Variants in TRPV6 observed in about 807,000 individuals in gnomAD.
TRPV6 encodes the protein transient receptor potential cation channel subfamily V member 6, also known as Alu-binding protein with zinc finger domain.
A neutral mutation model predicts 79.0 loss-of-function variants in TRPV6; 39 were observed. That is an observed-to-expected ratio of 0.49 (90% CI 0.38 to 0.64). The LOEUF is 0.64. Ranked by LOEUF, TRPV6 falls within the 30% of genes least tolerant of loss-of-function variation. The pLI is 0.00. For missense variants in TRPV6, 813 were observed against 1,011.1 expected, an observed-to-expected ratio of 0.80 and a Z score of 2.66; for synonymous variants, 373 against 391.9, an observed-to-expected ratio of 0.95 and a Z score of 0.57.
At position 142,875,533 on chromosome 7, in the gene TRPV6, T is replaced by C. The variant is rs757418339; in HGVS notation, c.1177A>G (p.Lys393Glu). 7 of 1,611,852 alleles carry C rather than the reference T, an allele frequency of 4.3e-6. No homozygotes were observed. In the Admixed American group the frequency reaches 1.2e-4, roughly 27 times the overall value. Residue 393 changes from lysine (K) to glutamate (E), a missense_variant, in exon 8 of 15, where the codon AAG (lysine) becomes GAG (glutamate). Physicochemically the swap from Lys to Glu is moderately conservative, Grantham distance 56 (BLOSUM62 1). Transcript: ENST00000359396. ...CTCGTGCGGTTATTGGTCCTGGGCT[T>C]GAGGGGGCGGTAGATGCAGCACATG... is the stretch of plus-strand genomic sequence containing the variant.
At position 142,877,763 on chromosome 7, in the gene TRPV6, C is replaced by T. The variant is rs1217440925; in HGVS notation, c.357G>A (p.Gly119=). 1 of 1,614,128 alleles carries T rather than the reference C, an allele frequency of 6.2e-7. No individual in the cohort carries two copies. The highest frequency in any genetic ancestry group is 2.2e-5 in the East Asian group (1 of 44,872). The change falls in exon 3 of 15, where the codon GGG becomes GGA. Residue 119 remains glycine, a synonymous_variant. Transcript: ENST00000359396. ...GGGCTGCTATGTGTAGCGCTGTTTCCCCCATGGCTCCTGGCATTTACAGAG... is the reference window on the plus strand; with the variant it reads ...GGGCTGCTATGTGTAGCGCTGTTTCTCCCATGGCTCCTGGCATTTACAGAG...
chr7:142,885,581 G>C lies in TRPV6; in HGVS notation c.56C>G (p.Pro19Arg). The change falls in exon 1 of 15, where the codon CCA becomes CGA. Residue 19 changes from proline (P) to arginine (R), a missense_variant. By Grantham distance (103) the Pro-to-Arg change is moderately radical (BLOSUM62 -2). Coordinates refer to ENST00000359396, the MANE Select transcript of TRPV6 (RefSeq NM_018646.6). ...CCAGACCCTGACGGGACTCAGCCTT[G>C]GGGCCACATCAGCCCCCCCAAGGGC... 4 of 1,519,992 alleles carry C rather than the reference G, an allele frequency of 2.6e-6. No individual in the cohort carries two copies. The highest frequency in any genetic ancestry group is 3.5e-6 in the Non-Finnish European group (4 of 1,132,714). 94.2% of individuals were successfully genotyped at this position (1,519,992 alleles called of 1,614,324 possible). A position where few individuals can be genotyped will look rare whatever the true frequency, so the allele number is the denominator to read the frequency against.
At chr7:142,876,691 C>T (rs758448799) in intron 5 of TRPV6, 48 bp downstream of exon 5, 6 of 1,613,582 alleles carry the variant, frequency 3.7e-6, no homozygotes, top group South Asian at 2.2e-5. Context: ...TCACCCTGTC[C>T]CTCACTCCCT....
intron 1 of TRPV6, chr7:142,884,563 T>G (rs1159063117): frequency 6.6e-6 from 1 of 152,234 alleles, no homozygotes; most frequent in Non-Finnish European, 1.5e-5. Context: ...CCTGCTCCTC[T>G]CCTGCTCTGT....
At position 142,874,406 on chromosome 7, in the gene TRPV6, A is replaced by T. The variant is rs374735652; in HGVS notation, c.1572+85T>A. 1.4e-5 allele frequency: 22 copies of T among 1,538,276 alleles called. No homozygotes were observed. The Admixed American group carries it at 3.0e-4, about 21-fold the overall frequency. Reference sequence around the variant, plus strand: ...CCATGTGTGGCTTGCAGAACCTGCAATGTCTACTGTTCTGCCCTTTATGGG... The same window carrying T: ...CCATGTGTGGCTTGCAGAACCTGCATTGTCTACTGTTCTGCCCTTTATGGG... On this transcript the variant is annotated intron_variant, in intron 11 of 14. Transcript: ENST00000359396.
intron 13 of TRPV6, 81 bp from the exon 14 acceptor site, chr7:142,872,559 T>TTC: frequency 7.3e-7 from 1 of 1,377,772 alleles, no homozygotes; most frequent in East Asian, 2.5e-5. Context: ...TTTGTTGACC[T>TTC]TCTTCAGTGG....
chr7:142,875,684 C>A lies in TRPV6; in HGVS notation c.1030-4G>T, dbSNP rs766854611. ...TCTGGTCCAGGATCTGGCGAGCCTG[C>A]AACAGAAAGAGAACAGGTGGCTCAG... On this transcript the variant is annotated splice_region_variant and splice_polypyrimidine_tract_variant and intron_variant, in intron 7 of 14. Coordinates refer to ENST00000359396, the MANE Select transcript of TRPV6 (RefSeq NM_018646.6). 4.3e-6 allele frequency: 7 copies of A among 1,609,904 alleles called. No homozygotes were observed. Among genetic ancestry groups the A allele is most frequent in the Non-Finnish European group, 5.9e-6 (7 of 1,177,970 alleles).
chr7:142,883,725 T>C (rs1312136461), intron 1 of TRPV6: 4 of 152,206 alleles, frequency 2.6e-5, no homozygotes, highest in African/African-American at 4.8e-5. Context: ...AAACTCCCCT[T>C]GCAGGCAATT....
At position 142,877,640 on chromosome 7, in the gene TRPV6, T is replaced by C. The variant is rs775558008; in HGVS notation, c.469+11A>G. 16 of 1,613,640 alleles carry C rather than the reference T, an allele frequency of 9.9e-6. No individual in the cohort carries two copies. Among genetic ancestry groups the C allele is most frequent in the Non-Finnish European group, 1.2e-5 (14 of 1,179,820 alleles). ...ACTCCTGCTCTTCACCCCAGACCCGTGGGCCCTCACCCTCATAGAGCTCAG... is the reference window on the plus strand; with the variant it reads ...ACTCCTGCTCTTCACCCCAGACCCGCGGGCCCTCACCCTCATAGAGCTCAG... On this transcript the variant is annotated intron_variant, in intron 3 of 14. Coordinates refer to ENST00000359396, the MANE Select transcript of TRPV6 (RefSeq NM_018646.6).
intron 14 of TRPV6, 70 bp from the exon 15 acceptor site, chr7:142,872,059 G>A: frequency 6.6e-7 from 1 of 1,516,278 alleles, no homozygotes; most frequent in Non-Finnish European, 8.8e-7. Context: ...ATGCTTGTCT[G>A]TTATCCCCTG....
chr7:142,877,421 G>C, intron 3 of TRPV6, 142 bp from the exon 4 acceptor site: 1 of 1,481,022 alleles, frequency 6.8e-7, no homozygotes, highest in Non-Finnish European at 9.0e-7. Flanking sequence ...GATTCCCAGG[G>C]GATCCAGCTG....
intron 4 of TRPV6, 36 bp downstream of exon 4, chr7:142,877,106 C>G (rs899258963): frequency 1.3e-6 from 2 of 1,597,406 alleles, no homozygotes; most frequent in Non-Finnish European, 1.7e-6. Context: ...CCCACCTTTC[C>G]AACTGCCCGT....
rs770005943 is a variant in TRPV6 at position 142,874,899 on chromosome 7, C to T, written c.1406+5G>A. The T allele has an allele frequency of 2.5e-6, 4 of 1,614,128 alleles. No individual in the cohort carries two copies. Among genetic ancestry groups the T allele is most frequent in the South Asian group, 1.1e-5 (1 of 91,076 alleles). On this transcript the variant is annotated splice_donor_5th_base_variant and intron_variant, in intron 10 of 14. Transcript: ENST00000359396. Reference sequence around the variant, plus strand: ...AGGGATGGGAGTGAGAGGAAGGAAACTCACATGAGGACATGGAATGGGCCC... The same window carrying T: ...AGGGATGGGAGTGAGAGGAAGGAAATTCACATGAGGACATGGAATGGGCCC...
In TRPV6 at chr7:142,877,692, G is replaced by A. The variant is rs754442854; in HGVS notation, c.428C>T (p.Pro143Leu). 2.2e-5 allele frequency: 36 copies of A among 1,614,016 alleles called. No individual in the cohort carries two copies. Among genetic ancestry groups the A allele is most frequent in the Middle Eastern group, 1.6e-4 (1 of 6,084 alleles). Residue 143 changes from proline (P) to leucine (L), a missense_variant, in exon 3 of 15, where the codon CCG becomes CTG. By Grantham distance (98) the Pro-to-Leu change is moderately conservative. This residue lies in a region of TRPV6 where 555 missense variants were observed against 631.0 expected (regional missense o/e 0.88). Transcript: ENST00000359396. ...TGTCATGGGCTCAAAGACCAGCTCC[G>A]GGGCAGCCTCCATCAGCACCATGGC...
intron 1 of TRPV6, chr7:142,879,721 C>G (rs2116526655): frequency 6.6e-6 from 1 of 152,396 alleles, no homozygotes; most frequent in Middle Eastern, 3.4e-3. Context: ...CTCCTTGCTC[C>G]TGCTAACCCT....
intron 1 of TRPV6, chr7:142,884,990 G>A (rs1044102111): frequency 6.3e-6 from 1 of 159,192 alleles, no homozygotes; most frequent in African/African-American, 2.4e-5. Flanking sequence ...TGTATACTAT[G>A]TGTTCCTGCC....
chr7:142,873,685 G>C lies in TRPV6; in HGVS notation c.1671C>G (p.Pro557=). 6.2e-7 allele frequency: 1 copy of C among 1,614,156 alleles called. No individual in the cohort carries two copies. Among genetic ancestry groups the C allele is most frequent in the East Asian group, 2.2e-5 (1 of 44,884 alleles). Reference sequence around the variant, plus strand: ...AGTCGTAGAAGTGGCCTAGCTCCTCGGGGTCCTCTGTCTGGAAGATGATAT... The same window carrying C: ...AGTCGTAGAAGTGGCCTAGCTCCTCCGGGTCCTCTGTCTGGAAGATGATAT... Residue 557 remains proline (P), a synonymous_variant, in exon 13 of 15, where the codon CCC becomes CCG. Coordinates refer to ENST00000359396, the MANE Select transcript of TRPV6 (RefSeq NM_018646.6). This position sits in a 1 kb window ranked among gnomAD's most constrained non-coding sequence, Gnocchi z 4.8.
At chr7:142,872,178 C>T (rs548357009) in intron 14 of TRPV6, among the ~76,000 whole-genome samples, 189 bp from the exon 15 acceptor site, 1 of 152,362 alleles carries the variant, frequency 6.6e-6, no homozygotes, top group South Asian at 2.1e-4. Flanking sequence ...CAGGCTCTGC[C>T]ACAGACTCCC....
At position 142,875,692 on chromosome 7, in the gene TRPV6, A is replaced by G; in HGVS notation, c.1030-12T>C. 6.2e-7 allele frequency: 1 copy of G among 1,609,090 alleles called. No homozygotes were observed. The highest frequency in any genetic ancestry group is 8.5e-7 in the Non-Finnish European group (1 of 1,177,358). On this transcript the variant is annotated splice_polypyrimidine_tract_variant and intron_variant, in intron 7 of 14. Coordinates refer to ENST00000359396, the MANE Select transcript of TRPV6 (RefSeq NM_018646.6). The stretch of plus-strand genomic sequence containing the variant: ...AGGATCTGGCGAGCCTGCAACAGAA[A>G]GAGAACAGGTGGCTCAGAGACCCTG...
Sources: allele counts gnomAD v4.1 joint callset (sites outside exome capture counted in the v4.1 genomes callset), GRCh38; gene constraint gnomAD v4.1.1; regional missense constraint gnomAD v4.1.1; non-coding constraint Gnocchi (gnomAD v3.1); transcripts MANE v1.5; gene names NCBI Gene and HGNC (gene_info 2026-07-23, HGNC 2026-07-21).